Variants in GRIK4 observed in about 807,000 individuals in gnomAD.
GRIK4 encodes glutamate ionotropic receptor kainate type subunit 4, also known as glutamate receptor ionotropic, kainate 4.
GRIK4 carries 40 observed loss-of-function variants against 104.9 expected under a neutral mutation model. The ratio of observed to expected loss-of-function variants is 0.38; its 90% confidence interval spans 0.30 to 0.50. GRIK4 has a LOEUF of 0.50. GRIK4 is among the 20% of genes least tolerant of loss of function. The probability of loss-of-function intolerance (pLI) is 0.93; values close to 1 mark genes in which losing one functional copy is unlikely to be tolerated. For missense variants in GRIK4, 1,047 were observed against 1,308.1 expected, an observed-to-expected ratio of 0.80 and a Z score of 3.08; for synonymous variants, 485 against 524.9, an observed-to-expected ratio of 0.92 and a Z score of 1.04.
chr11:120,960,322 C>T (rs552143885), intron 16 of GRIK4, among the ~76,000 whole-genome samples: 4 of 152,070 alleles, frequency 2.6e-5, no homozygotes, highest in Non-Finnish European at 5.9e-5. Flanking sequence ...AGCAAGACTC[C>T]GTCTCAAAAA....
At chr11:120,554,390 G>C (rs374806397) in intron 1 of GRIK4, among the ~76,000 whole-genome samples, 3 of 152,130 alleles carry the variant, frequency 2.0e-5, no homozygotes, top group African/African-American at 7.2e-5. Flanking sequence ...ATTGGATGAC[G>C]ATGTCTCCCA....
intron 20 of GRIK4, among the ~76,000 whole-genome samples, chr11:120,983,355 G>A (rs758235291): frequency 1.3e-5 from 2 of 152,084 alleles, no homozygotes; most frequent in Non-Finnish European, 2.9e-5. Flanking sequence ...CCTCACTCCC[G>A]ATTTGGTCCG....
intron 6 of GRIK4, among the ~76,000 whole-genome samples, chr11:120,822,068 G>A (rs1265902590): frequency 1.3e-5 from 2 of 151,880 alleles, no homozygotes; most frequent in African/African-American, 2.4e-5. Flanking sequence ...AAAATTAGAC[G>A]GGTGTGGTGG....
intron 1 of GRIK4, among the ~76,000 whole-genome samples, chr11:120,538,675 G>C (rs1948002957): frequency 2.0e-5 from 3 of 152,226 alleles, no homozygotes; most frequent in Admixed American, 2.0e-4. Flanking sequence ...GCTGGTCTGA[G>C]ATCTTGAAAC....
rs1942849777 is a variant in GRIK4, at chr11:120,905,526, G to A, written c.1476+33G>A. 1 of 1,133,070 alleles carries A rather than the reference G, an allele frequency of 8.8e-7. No homozygotes were observed. The highest frequency in any genetic ancestry group is 1.3e-6 in the Non-Finnish European group (1 of 754,618). 70.2% of individuals were successfully genotyped at this position (1,133,070 alleles called of 1,614,324 possible). A position where few individuals can be genotyped will look rare whatever the true frequency, so the allele number is the denominator to read the frequency against. ...GAGGACAAGTGATCTGGGCCTGAGG[G>A]TGGGCTGGGAGGGATTGGAAGAGCA... On this transcript the variant is annotated intron_variant, in intron 13 of 20. Coordinates refer to ENST00000527524, the MANE Select transcript of GRIK4 (RefSeq NM_014619.5). The surrounding 1 kb of genome is among the most constrained non-coding windows in gnomAD (Gnocchi z 5.1).
chr11:120,583,313 G>A (rs1480953488), intron 1 of GRIK4, among the ~76,000 whole-genome samples: 1 of 152,144 alleles, frequency 6.6e-6, no homozygotes, highest in Non-Finnish European at 1.5e-5. Flanking sequence ...TGTTTACTCT[G>A]TTGATAGTTT....
intron 13 of GRIK4, among the ~76,000 whole-genome samples, chr11:120,914,552 G>A (rs1047584076): frequency 1.3e-5 from 2 of 152,150 alleles, no homozygotes; most frequent in Non-Finnish European, 2.9e-5. Context: ...GATCGCCTTG[G>A]CAGAAAAGGA....
chr11:120,519,976 T>G (rs1947777864), intron 1 of GRIK4, among the ~76,000 whole-genome samples: 1 of 147,636 alleles, frequency 6.8e-6, no homozygotes, highest in Non-Finnish European at 1.5e-5. Context: ...CATTGCAACC[T>G]CCGCCTCCTG....
intron 8 of GRIK4, among the ~76,000 whole-genome samples, chr11:120,844,580 T>C (rs1489976182): frequency 3.9e-5 from 6 of 152,114 alleles, no homozygotes; most frequent in African/African-American, 1.4e-4. Context: ...TCTCTTTAGA[T>C]CCCACAGGAA....
At chr11:120,928,709 G>A (rs1439796738) in intron 13 of GRIK4, among the ~76,000 whole-genome samples, 1 of 152,162 alleles carries the variant, frequency 6.6e-6, no homozygotes, top group Non-Finnish European at 1.5e-5. Flanking sequence ...ACACAGCCCT[G>A]TGCCGAGCCA....
chr11:120,596,335 C>T (rs1274633281), intron 1 of GRIK4, among the ~76,000 whole-genome samples: 7 of 152,152 alleles, frequency 4.6e-5, no homozygotes, highest in Admixed American at 4.6e-4. Flanking sequence ...GAAAGGGAGA[C>T]AGGTCTATTA....
intron 13 of GRIK4, among the ~76,000 whole-genome samples, chr11:120,922,761 A>G (rs896183353): frequency 6.6e-6 from 1 of 152,230 alleles, no homozygotes; most frequent in Admixed American, 6.5e-5. Context: ...CTACAGAGGC[A>G]GCCATCTGAG....
rs1378030732 is a variant in GRIK4 at position 120,905,551 on chromosome 11, A to G, written c.1476+58A>G. ...GTGGGCTGGGAGGGATTGGAAGAGCATGAGGTTGTGCTGCACGCTCATGAA... is the reference window on the plus strand; with the variant it reads ...GTGGGCTGGGAGGGATTGGAAGAGCGTGAGGTTGTGCTGCACGCTCATGAA... On this transcript the variant is annotated intron_variant, in intron 13 of 20. Coordinates refer to ENST00000527524, the MANE Select transcript of GRIK4 (RefSeq NM_014619.5). This position sits in a 1 kb window ranked among gnomAD's most constrained non-coding sequence, Gnocchi z 5.1. 15 of 1,048,790 alleles carry G rather than the reference A, an allele frequency of 1.4e-5. No homozygotes were observed. The highest frequency in any genetic ancestry group is 1.0e-4 in the South Asian group (8 of 79,520). 65.0% of individuals were successfully genotyped at this position (1,048,790 alleles called of 1,614,324 possible).
chr11:120,550,557 G>A (rs1948130319), intron 1 of GRIK4, among the ~76,000 whole-genome samples: 1 of 152,142 alleles, frequency 6.6e-6, no homozygotes, highest in South Asian at 2.1e-4. Context: ...GAGGGGCAGA[G>A]GATGGCATTC....
chr11:120,670,018 A>G (rs1388704546), intron 3 of GRIK4, among the ~76,000 whole-genome samples: 2 of 152,186 alleles, frequency 1.3e-5, no homozygotes, highest in Non-Finnish European at 2.9e-5. Context: ...TACTCATTTC[A>G]TAAATGGTAA....
At chr11:120,793,473 G>A (rs1191770642) in intron 3 of GRIK4, among the ~76,000 whole-genome samples, 1 of 152,152 alleles carries the variant, frequency 6.6e-6, no homozygotes, top group African/African-American at 2.4e-5. Context: ...GCTGTGGGTT[G>A]TCTGGAGCCC....
intron 1 of GRIK4, among the ~76,000 whole-genome samples, chr11:120,645,130 AGTGTGTGT>A (rs10566673): frequency 1.3e-5 from 2 of 151,016 alleles, no homozygotes; most frequent in Admixed American, 6.6e-5. Flanking sequence ...TATGGTGTGT[AGTGTGTGT>A]GTGTGTGTGT....
chr11:120,938,884 T>A (rs1378216137), intron 13 of GRIK4, among the ~76,000 whole-genome samples: 1 of 152,216 alleles, frequency 6.6e-6, no homozygotes, highest in African/African-American at 2.4e-5. Context: ...GAAAATCTGA[T>A]CCAGGAAGTC....
At chr11:120,826,414 C>T (rs1035689598) in intron 6 of GRIK4, among the ~76,000 whole-genome samples, 2 of 152,188 alleles carry the variant, frequency 1.3e-5, no homozygotes, top group African/African-American at 4.8e-5. Context: ...TGAATTTCTC[C>T]CGCCCCAGCA....
Sources: allele counts gnomAD v4.1 joint callset (sites outside exome capture counted in the v4.1 genomes callset), GRCh38; gene constraint gnomAD v4.1.1; non-coding constraint Gnocchi (gnomAD v3.1); transcripts MANE v1.5; gene names NCBI Gene and HGNC (gene_info 2026-07-23, HGNC 2026-07-21).